The following DOT1L variants were observed in gnomAD, a reference collection of about 807,000 sequenced individuals.
DOT1L encodes histone-lysine N-methyltransferase, H3 lysine-79 specific.
In DOT1L, 33 loss-of-function variants were observed where a neutral mutation model predicts 153.3. The observed-to-expected ratio is 0.22, with a 90% CI of 0.16 to 0.29. DOT1L has a LOEUF of 0.29. Among genes scored for constraint, DOT1L ranks in the 10% least tolerant of loss-of-function variants. DOT1L has a pLI of 1.00. For missense variants in DOT1L, 1,847 were observed against 2,119.9 expected (o/e 0.87, Z 2.53); for synonymous variants, 1,135 against 965.1 (o/e 1.18, Z -3.26).
intron 2 of DOT1L, among the ~76,000 whole-genome samples, chr19:2,182,491 C>T (rs1568333795): frequency 6.6e-6 from 1 of 152,186 alleles, no homozygotes; most frequent in East Asian, 1.9e-4. Flanking sequence ...GTGCCACCGC[C>T]CTCCAGCCAG....
intron 19 of DOT1L, among the ~76,000 whole-genome samples, chr19:2,214,850 G>C (rs2023840736): frequency 2.0e-5 from 3 of 152,116 alleles, no homozygotes; most frequent in Admixed American, 1.3e-4. Flanking sequence ...CGCTAACCTA[G>C]GATTTCCTGA....
chr19:2,220,128 G>C lies in DOT1L; in HGVS notation c.2712G>C (p.Val904=). 6.2e-7 allele frequency: 1 copy of C among 1,611,254 alleles called. No individual in the cohort carries two copies. The highest frequency in any genetic ancestry group is 1.7e-5 in the Admixed American group (1 of 59,980). The change falls in exon 23 of 28, where the codon GTG becomes GTC. Residue 904 remains valine (V), a synonymous_variant. Coordinates refer to ENST00000398665, the MANE Select transcript of DOT1L (RefSeq NM_032482.3). The surrounding 1 kb of genome is among the most constrained non-coding windows in gnomAD (Gnocchi z 4.5). ...AERARSTPSP[V]LQPRDPSSTL... is the part of the protein sequence containing the mutation. ...TGCAGAGGAGCACCCCCAGTCCCGTGCTGCAGCCCCGTGACCCCTCGTCCA... is the reference window on the plus strand; with the variant it reads ...TGCAGAGGAGCACCCCCAGTCCCGTCCTGCAGCCCCGTGACCCCTCGTCCA...
At chr19:2,164,366 T>A (rs2019826950) in intron 1 of DOT1L, 101 bp downstream of exon 1, 1 of 773,928 alleles carries the variant, frequency 1.3e-6, no homozygotes, top group Admixed American at 4.6e-5. Context: ...CGGTCCCCCC[T>A]GCGGAACGGA....
intron 2 of DOT1L, among the ~76,000 whole-genome samples, chr19:2,184,462 G>C (rs1284143080): frequency 1.3e-5 from 2 of 152,046 alleles, no homozygotes; most frequent in Non-Finnish European, 2.9e-5. Context: ...TTGGCGTGGG[G>C]TAGGGGGCAA....
In DOT1L at chr19:2,217,116, G is replaced by T; in HGVS notation, c.2544+26G>T. On this transcript the variant is annotated intron_variant, in intron 21 of 27. Transcript: ENST00000398665. This position sits in a 1 kb window ranked among gnomAD's most constrained non-coding sequence, Gnocchi z 7.3. ...GTGCGGGCCGCGACCCCTGCCCCGG[G>T]CTCAGGGAGGTGCTCAGCAGAGGCG... The T allele has an allele frequency of 6.4e-7, 1 of 1,561,416 alleles. No individual in the cohort carries two copies. Among genetic ancestry groups the T allele is most frequent in the Non-Finnish European group, 8.7e-7 (1 of 1,152,228 alleles).
At chr19:2,169,631 T>C (rs1488753226) in intron 1 of DOT1L, among the ~76,000 whole-genome samples, 1 of 151,962 alleles carries the variant, frequency 6.6e-6, no homozygotes, top group Non-Finnish European at 1.5e-5. Context: ...GTAGCTGGGA[T>C]TACAGGTGTG....
At chr19:2,186,307 G>A (rs895006889) in intron 3 of DOT1L, among the ~76,000 whole-genome samples, 1 of 152,214 alleles carries the variant, frequency 6.6e-6, no homozygotes, top group African/African-American at 2.4e-5. Flanking sequence ...TTAGATCTCA[G>A]CTGGGTTTGG....
At chr19:2,183,454 T>G (rs2022338939) in intron 2 of DOT1L, among the ~76,000 whole-genome samples, 1 of 151,854 alleles carries the variant, frequency 6.6e-6, no homozygotes, top group African/African-American at 2.4e-5. Flanking sequence ...GGCTGTTGTT[T>G]AAAGATGATT....
rs761921894 is a variant in DOT1L at position 2,193,805 on chromosome 19, G to A, written c.588+22G>A. The A allele has an allele frequency of 3.1e-6, 5 of 1,610,538 alleles. No individual in the cohort carries two copies. The highest frequency in any genetic ancestry group is 3.3e-5 in the Admixed American group (2 of 59,944). The stretch of plus-strand genomic sequence containing the variant: ...GGAGGTGAGCGGATCTGAGGGCCAG[G>A]GTGTGTTGGAGGCAGGGGACCATCA... On this transcript the variant is annotated intron_variant, in intron 6 of 27. Coordinates refer to ENST00000398665, the MANE Select transcript of DOT1L (RefSeq NM_032482.3). The surrounding 1 kb of genome is among the most constrained non-coding windows in gnomAD (Gnocchi z 5.9).
intron 22 of DOT1L, among the ~76,000 whole-genome samples, chr19:2,218,797 T>C (rs529727956): frequency 2.2e-4 from 33 of 147,806 alleles, no homozygotes; most frequent in Non-Finnish European, 3.2e-4. Context: ...CCCAGGTTCA[T>C]GCCATTCTCC....
At chr19:2,176,862 A>G (rs944527287) in intron 1 of DOT1L, among the ~76,000 whole-genome samples, 3 of 152,362 alleles carry the variant, frequency 2.0e-5, no homozygotes, top group South Asian at 2.1e-4. Flanking sequence ...CTGGGACCAC[A>G]GCAGGCTGGA....
Position 2,226,261 on chromosome 19 carries a change from C to A in DOT1L, c.3740C>A (p.Pro1247His). Residue 1247 changes from proline (P) to histidine (H), a missense_variant, in exon 27 of 28, where the codon CCC (proline) becomes CAC (histidine). Around this residue, in one of 8 missense-constraint regions of DOT1L, gnomAD observed 934 missense variants for 825.3 expected, o/e 1.13. Coordinates refer to ENST00000398665, the MANE Select transcript of DOT1L (RefSeq NM_032482.3). Reference sequence around the variant, plus strand: ...AGCAAGTGGAAGTCCACCTTCTCGCCCATCTCCGACATCGGCCTGGCCAAG... The same window carrying A: ...AGCAAGTGGAAGTCCACCTTCTCGCACATCTCCGACATCGGCCTGGCCAAG... ...NSSKWKSTFS[P>H]ISDIGLAKSA... 6.3e-7 allele frequency: 1 copy of A among 1,584,742 alleles called. No individual in the cohort carries two copies. The highest frequency in any genetic ancestry group is 1.8e-5 in the Admixed American group (1 of 56,360).
intron 16 of DOT1L, chr19:2,212,313 C>T (rs1009563385): frequency 6.5e-6 from 1 of 153,340 alleles, no homozygotes; most frequent in African/African-American, 2.4e-5. Context: ...CAGGCACCCA[C>T]CACCACATCC....
intron 1 of DOT1L, among the ~76,000 whole-genome samples, chr19:2,168,695 A>G (rs7249786): frequency 0.021 from 3,252 of 151,732 alleles, 126 homozygotes; most frequent in African/African-American, 0.075. Context: ...GTTCACTGCA[A>G]CATCTGCCTC....
chr19:2,199,615 C>A (rs2023161150), intron 7 of DOT1L, among the ~76,000 whole-genome samples: 1 of 152,210 alleles, frequency 6.6e-6, no homozygotes, highest in South Asian at 2.1e-4. Context: ...CCGCAGTCCC[C>A]TTGGCTGGGC....
At chr19:2,227,209 T>G in intron 27 of DOT1L, 82 bp downstream of exon 27, 1 of 1,535,416 alleles carries the variant, frequency 6.5e-7, no homozygotes, top group Non-Finnish European at 8.9e-7. Context: ...TTCCGCACTC[T>G]CTTGCAGCAG....
intron 1 of DOT1L, among the ~76,000 whole-genome samples, chr19:2,175,172 A>G (rs1253751186): frequency 3.3e-5 from 5 of 151,742 alleles, no homozygotes; most frequent in African/African-American, 9.7e-5. Flanking sequence ...TTAATTTTTT[A>G]TATTTTTAGT....
chr19:2,210,334 C>G, intron 12 of DOT1L, 66 bp from the exon 13 acceptor site: 1 of 1,376,608 alleles, frequency 7.3e-7, no homozygotes, highest in Non-Finnish European at 9.6e-7. Context: ...CTCCGCGTGC[C>G]TCTCGGTGCA....
chr19:2,210,263 A>G lies in DOT1L; in HGVS notation c.1006-137A>G. 3 of 813,734 alleles carry G rather than the reference A, an allele frequency of 3.7e-6. No homozygotes were observed. In the South Asian group the frequency reaches 6.6e-5, roughly 18 times the overall value. 50.4% of individuals were successfully genotyped at this position (813,734 alleles called of 1,614,324 possible). A position where few individuals can be genotyped will look rare whatever the true frequency, so the allele number is the denominator to read the frequency against. On this transcript the variant is annotated intron_variant, in intron 12 of 27. Coordinates refer to ENST00000398665, the MANE Select transcript of DOT1L (RefSeq NM_032482.3). ...GCTGTCTCTGGGCCTCAGTTTCCTGATTTGTGCCACAGAGGACTTGCAGTG... is the reference window on the plus strand; with the variant it reads ...GCTGTCTCTGGGCCTCAGTTTCCTGGTTTGTGCCACAGAGGACTTGCAGTG...
Sources: allele counts gnomAD v4.1 joint callset (sites outside exome capture counted in the v4.1 genomes callset), GRCh38; gene constraint gnomAD v4.1.1; regional missense constraint gnomAD v4.1.1; non-coding constraint Gnocchi (gnomAD v3.1); transcripts MANE v1.5; gene names NCBI Gene and HGNC (gene_info 2026-07-23, HGNC 2026-07-21).